GAD2: variants seen among roughly 807,000 people sequenced by gnomAD.
GAD2 encodes 65 kDa glutamic acid decarboxylase.
GAD2 carries 22 observed loss-of-function variants against 80.1 expected under a neutral mutation model. The observed-to-expected ratio is 0.27, with a 90% CI of 0.20 to 0.39. The LOEUF (loss-of-function observed/expected upper bound fraction) is 0.39, where lower values mean the gene tolerates loss of function less well. Among genes scored for constraint, GAD2 ranks in the 10% least tolerant of loss-of-function variants. The pLI is 1.00. For synonymous variants in GAD2, 274 were observed against 256.9 expected, an observed-to-expected ratio of 1.07 and a Z score of -0.64; for missense variants, 624 against 738.4, an observed-to-expected ratio of 0.85 and a Z score of 1.80.
chr10:26,293,161 A>G (rs1379180130), intron 15 of GAD2, among the ~76,000 whole-genome samples, 170 bp downstream of exon 15: 2 of 146,594 alleles, frequency 1.4e-5, no homozygotes, highest in South Asian at 2.2e-4. Flanking sequence ...ATATATGCAG[A>G]CATTTTTCTT....
At chr10:26,219,443 AC>A (rs1844426226) in intron 4 of GAD2, 167 bp downstream of exon 4, 1 of 541,724 alleles carries the variant, frequency 1.8e-6, no homozygotes, top group African/African-American at 1.9e-5. Context: ...AATCCAAAGC[AC>A]CTTCCACTGC....
At chr10:26,237,082 T>G (rs1564659145) in intron 7 of GAD2, among the ~76,000 whole-genome samples, 1 of 152,166 alleles carries the variant, frequency 6.6e-6, no homozygotes. Flanking sequence ...CCTTTAGTGC[T>G]GCAGGCGCCA....
At chr10:26,275,469 T>C (rs1845189367) in intron 11 of GAD2, among the ~76,000 whole-genome samples, 1 of 152,232 alleles carries the variant, frequency 6.6e-6, no homozygotes, top group South Asian at 2.1e-4. Context: ...TTTCCTCTTA[T>C]TGCCGCAATT....
rs773500541 is a variant in GAD2 at position 26,245,918 on chromosome 10, CAG to C, written c.841_842del. The C allele has an allele frequency of 1.9e-6, 3 of 1,608,082 alleles. No homozygotes were observed. The highest frequency in any genetic ancestry group is 2.6e-6 in the Non-Finnish European group (3 of 1,175,332). ...ATTGCAAATATATATATTTTTTTTA[CAG>C]AGTCATTTTTCTCTCAAGAAGGGAG... On this transcript the variant is annotated splice_acceptor_variant, in intron 7 of 15. Transcript: ENST00000376261. LOFTEE classifies it high-confidence loss of function.
chr10:26,217,711 G>C lies in GAD2; in HGVS notation c.136+42G>C. 1 of 1,605,224 alleles carries C rather than the reference G, an allele frequency of 6.2e-7. No homozygotes were observed. The highest frequency in any genetic ancestry group is 8.5e-7 in the Non-Finnish European group (1 of 1,175,402). On this transcript the variant is annotated intron_variant, in intron 2 of 15. Coordinates refer to ENST00000376261, the MANE Select transcript of GAD2 (RefSeq NM_001134366.2). This position sits in a 1 kb window ranked among gnomAD's most constrained non-coding sequence, Gnocchi z 4.9. ...CGGGGCGGCCAAGGTCGGCCCGCGG[G>C]GTCCAAGCAGTCTTCTCACCTCCGC...
intron 8 of GAD2, among the ~76,000 whole-genome samples, chr10:26,250,585 GA>G (rs569343199): frequency 1.2e-4 from 18 of 152,028 alleles, no homozygotes; most frequent in African/African-American, 4.3e-4. Flanking sequence ...TAAAAGGTGG[GA>G]AAAAATAAGG....
At chr10:26,283,412 G>A (rs530922525) in intron 12 of GAD2, among the ~76,000 whole-genome samples, 23 of 152,344 alleles carry the variant, frequency 1.5e-4, no homozygotes, top group South Asian at 4.1e-4. Flanking sequence ...CATGTATACC[G>A]TGGCTGTATT....
intron 4 of GAD2, among the ~76,000 whole-genome samples, 197 bp downstream of exon 4, chr10:26,219,473 A>G (rs1317006736): frequency 2.6e-5 from 4 of 152,210 alleles, no homozygotes; most frequent in South Asian, 2.1e-4. Context: ...ATGCTTCTGA[A>G]GTTGATAATG....
chr10:26,220,690 C>A lies in GAD2; in HGVS notation c.520+1414C>A, dbSNP rs138201098. The stretch of plus-strand genomic sequence containing the variant: ...TCATTTTTTGACCCATTCCCCATAC[C>A]TTATATTTAGATACGTTAATAGTAA... On this transcript the variant is annotated intron_variant, in intron 4 of 15. Transcript: ENST00000376261. Among the ~76,000 whole-genome samples the A allele has an allele frequency of 3.5e-3, 535 of 152,290 alleles. 7 individuals carry two copies. Among genetic ancestry groups the A allele is most frequent in the African/African-American group, 0.012 (519 of 41,546 alleles).
At chr10:26,246,513 G>A (rs1488695693) in intron 8 of GAD2, among the ~76,000 whole-genome samples, 1 of 152,200 alleles carries the variant, frequency 6.6e-6, no homozygotes, top group Non-Finnish European at 1.5e-5. Context: ...TCAGTGCGGT[G>A]CTTTGTGGGA....
Position 26,219,135 on chromosome 10 carries a change from G to C in GAD2, c.379G>C (p.Asp127His), listed in dbSNP as rs747528687. 6.2e-7 allele frequency: 1 copy of C among 1,613,680 alleles called. No individual in the cohort carries two copies. The highest frequency in any genetic ancestry group is 1.3e-5 in the African/African-American group (1 of 74,914). ...ILLQYVVKSF[D>H]RSTKVIDFHY... Reference sequence around the variant, plus strand: ...ACTTCAGTATGTGGTGAAAAGTTTCGATAGATCAACCAAAGTGATTGATTT... The same window carrying C: ...ACTTCAGTATGTGGTGAAAAGTTTCCATAGATCAACCAAAGTGATTGATTT... Residue 127 changes from aspartate to histidine, a missense_variant, in exon 4 of 16, where the codon GAT becomes CAT. Coordinates refer to ENST00000376261, the MANE Select transcript of GAD2 (RefSeq NM_001134366.2).
intron 10 of GAD2, 76 bp downstream of exon 10, chr10:26,270,832 T>G (rs1845128632): frequency 1.0e-6 from 1 of 973,300 alleles, no homozygotes; most frequent in East Asian, 2.4e-5. Flanking sequence ...GGAAATTTGT[T>G]TTCTCTTTTT....
chr10:26,239,700 T>G (rs1473509726), intron 7 of GAD2, among the ~76,000 whole-genome samples: 3 of 152,206 alleles, frequency 2.0e-5, no homozygotes, highest in Admixed American at 6.5e-5. Flanking sequence ...AGGATGGTCA[T>G]AAAAATATCT....
At chr10:26,231,090 CA>C (rs973664816) in intron 7 of GAD2, among the ~76,000 whole-genome samples, 2 of 151,526 alleles carry the variant, frequency 1.3e-5, no homozygotes, top group Non-Finnish European at 2.9e-5. Flanking sequence ...ACTCCATTCT[CA>C]AAAAAAACAA....
Position 26,285,476 on chromosome 10 carries a change from G to A in GAD2, c.1237-869G>A, listed in dbSNP as rs770779159. On this transcript the variant is annotated intron_variant, in intron 12 of 15. Transcript: ENST00000376261. ...TAGTCAAAGGCTTCCAGTGTTTCAT[G>A]ACAAATTGAAACACGGGGTTTTTAG... 6.6e-5 allele frequency among the ~76,000 whole-genome samples: 10 copies of A among 152,276 alleles called. No homozygotes were observed. In the East Asian group the frequency reaches 7.7e-4, roughly 12 times the overall value.
At chr10:26,291,821 T>G (rs1441180131) in intron 13 of GAD2, among the ~76,000 whole-genome samples, 1 of 152,170 alleles carries the variant, frequency 6.6e-6, no homozygotes. Flanking sequence ...ATTCAGAGCT[T>G]CCAGAGCCAG....
chr10:26,268,175 A>C (rs1364715307), intron 8 of GAD2, among the ~76,000 whole-genome samples: 1 of 152,206 alleles, frequency 6.6e-6, no homozygotes, highest in Non-Finnish European at 1.5e-5. Flanking sequence ...TGACTTAAAG[A>C]ATGTTTCTCT....
In GAD2 at chr10:26,292,947, C is replaced by T. The variant is rs1024460607; in HGVS notation, c.1540C>T (p.Arg514Cys). ...VCFWYIPPSL[R>C]TLEDNEERMS... ...CTTCTGGTACATTCCTCCAAGCTTGCGTACTCTGGAAGACAATGAAGAGAG... is the reference window on the plus strand; with the variant it reads ...CTTCTGGTACATTCCTCCAAGCTTGTGTACTCTGGAAGACAATGAAGAGAG... Residue 514 changes from arginine to cysteine, a missense_variant, in exon 15 of 16, where the codon CGT becomes TGT. Transcript: ENST00000376261. 3 of 1,613,842 alleles carry T rather than the reference C, an allele frequency of 1.9e-6. No homozygotes were observed. Among genetic ancestry groups the T allele is most frequent in the Non-Finnish European group, 2.5e-6 (3 of 1,179,870 alleles).
chr10:26,230,386 G>T (rs1488586159), intron 7 of GAD2, among the ~76,000 whole-genome samples: 1 of 152,096 alleles, frequency 6.6e-6, no homozygotes, highest in Non-Finnish European at 1.5e-5. Flanking sequence ...TCAGCCCACT[G>T]ATCTGATAGA....
Sources: gnomAD v4.1 joint callset for allele counts (sites outside exome capture counted in the v4.1 genomes callset) on GRCh38, gnomAD v4.1.1 for gene constraint, Gnocchi (gnomAD v3.1) non-coding constraint, MANE v1.5 for transcripts, NCBI Gene and HGNC (gene_info 2026-07-23, HGNC 2026-07-21) for gene names.